The following PCDHA1 variants were observed in gnomAD, a reference collection of about 807,000 sequenced individuals.
The protein encoded by PCDHA1 is protocadherin alpha-1.
In PCDHA1, 42 loss-of-function variants were observed where a neutral mutation model predicts 61.3. The ratio of observed to expected loss-of-function variants is 0.69; its 90% CI spans 0.54 to 0.89. The LOEUF (loss-of-function observed/expected upper bound fraction) is 0.89. Among genes scored for constraint, PCDHA1 ranks in the 40% least tolerant of loss-of-function variants. PCDHA1 has a pLI of 0.00. For missense variants in PCDHA1, 1,256 were observed against 1,235.3 expected, an observed-to-expected ratio of 1.02 and a Z score of -0.25; for synonymous variants, 610 against 553.8, an observed-to-expected ratio of 1.10 and a Z score of -1.43.
intron 1 of PCDHA1, chr5:140,861,823 G>A (rs2047101556): frequency 1.3e-5 from 2 of 159,302 alleles, no homozygotes; most frequent in Non-Finnish European, 2.7e-5. Flanking sequence ...TTTCAGATAG[G>A]TAAGTCACTT....
chr5:140,831,798 C>T (rs1370257293), intron 1 of PCDHA1, among the ~76,000 whole-genome samples: 1 of 152,186 alleles, frequency 6.6e-6, no homozygotes, highest in African/African-American at 2.4e-5. Context: ...ATTTCAGTTT[C>T]TTCTGTAAAG....
At chr5:140,875,644 G>A in intron 1 of PCDHA1, 1 of 1,613,736 alleles carries the variant, frequency 6.2e-7, no homozygotes, top group Non-Finnish European at 8.5e-7. Flanking sequence ...GGAGCTGGCG[G>A]AGCTGGTGCC....
At chr5:140,842,730 C>T (rs1302356073) in intron 1 of PCDHA1, 1 of 1,594,964 alleles carries the variant, frequency 6.3e-7, no homozygotes, top group Non-Finnish European at 8.6e-7. Flanking sequence ...AACAACCCGC[C>T]GGGCTGCCAC....
chr5:140,841,746 T>G (rs1562391326), intron 1 of PCDHA1: 2 of 1,613,910 alleles, frequency 1.2e-6, no homozygotes, highest in Non-Finnish European at 1.7e-6. Flanking sequence ...AAGCTGTTTG[T>G]TTCAGAATCC....
intron 3 of PCDHA1, among the ~76,000 whole-genome samples, chr5:141,007,315 C>A (rs1207897662): frequency 1.3e-5 from 2 of 148,308 alleles, no homozygotes; most frequent in Admixed American, 1.4e-4. Flanking sequence ...TTTTGGGAGG[C>A]TAAAGTGGAC....
chr5:140,823,029 G>A lies in PCDHA1; in HGVS notation c.2394+34345G>A, dbSNP rs2150121512. 5.3e-5 allele frequency: 85 copies of A among 1,614,220 alleles called. No homozygotes were observed. In the Middle Eastern group the frequency reaches 8.3e-4, roughly 16 times the overall value. On this transcript the variant is annotated intron_variant, in intron 1 of 3. Coordinates refer to ENST00000504120, the MANE Select transcript of PCDHA1 (RefSeq NM_018900.4). ...GCGCCCTGGACCGCGAGAGCGTGTC[G>A]GTCTATGAGCTGGTGGTGACCGCGC...
At chr5:141,005,680 C>T (rs1389178600) in intron 3 of PCDHA1, among the ~76,000 whole-genome samples, 6 of 111,878 alleles carry the variant, frequency 5.4e-5, no homozygotes, top group East Asian at 2.8e-4. Flanking sequence ...CCAGCCTGGG[C>T]GACAGAGCGA....
At chr5:140,927,059 G>T (rs2153586396) in intron 1 of PCDHA1, 1 of 1,611,324 alleles carries the variant, frequency 6.2e-7, no homozygotes, top group Middle Eastern at 1.7e-4. Flanking sequence ...CGGAACTTTC[G>T]CTTCCTTTCC....
chr5:140,850,117 G>T, intron 1 of PCDHA1: 2 of 1,596,096 alleles, frequency 1.3e-6, no homozygotes, highest in Non-Finnish European at 1.7e-6. Flanking sequence ...CGCGACGCGG[G>T]CGTGCCGCCT....
intron 2 of PCDHA1, among the ~76,000 whole-genome samples, chr5:140,981,637 C>A (rs1229068909): frequency 6.6e-6 from 1 of 152,150 alleles, no homozygotes; most frequent in Non-Finnish European, 1.5e-5. Context: ...TGGACATTTT[C>A]TCTTAGGATC....
chr5:140,836,517 G>T (rs782570045), intron 1 of PCDHA1: 2 of 1,613,750 alleles, frequency 1.2e-6, no homozygotes, highest in African/African-American at 1.3e-5. Context: ...CAGTCTGTTG[G>T]TGCTTACCCT....
intron 1 of PCDHA1, chr5:140,808,083 C>T (rs1764094989): frequency 1.2e-6 from 2 of 1,613,832 alleles, no homozygotes; most frequent in African/African-American, 2.7e-5. Context: ...GATCCAATTA[C>T]TGGACAAATT....
At chr5:140,998,125 A>G (rs2097797565) in intron 3 of PCDHA1, among the ~76,000 whole-genome samples, 1 of 152,222 alleles carries the variant, frequency 6.6e-6, no homozygotes. Flanking sequence ...CTTGTGAATC[A>G]TAATAGCTAA....
intron 1 of PCDHA1, chr5:140,877,037 C>G: frequency 6.2e-7 from 1 of 1,612,492 alleles, no homozygotes; most frequent in Non-Finnish European, 8.5e-7. Flanking sequence ...GCGCTGCAGC[C>G]GCTAGACCAC....
intron 1 of PCDHA1, chr5:140,830,083 G>T (rs141570762): frequency 1.2e-5 from 19 of 1,613,578 alleles, no homozygotes; most frequent in Non-Finnish European, 1.4e-5. Flanking sequence ...CGACGGCCAC[G>T]GTTCTGGTGT....
In PCDHA1 at chr5:140,787,934, C is replaced by A. The variant is rs782794202; in HGVS notation, c.1644C>A (p.Asn548Lys). ...CGGGCGTGCCGCCTCTGGGCAGCAA[C>A]GTGACGCTGCAGGTGTTCGTGCTGG... ...RDAGVPPLGSNVTLQVFVLDE... is the reference protein window; with the variant it reads ...RDAGVPPLGSKVTLQVFVLDE... The change falls in exon 1 of 4, where the codon AAC becomes AAA. Residue 548 changes from asparagine (N) to lysine (K), a missense_variant. Transcript: ENST00000504120. 1 of 1,613,836 alleles carries A rather than the reference C, an allele frequency of 6.2e-7. No homozygotes were observed.
In PCDHA1 at chr5:140,787,608, A is replaced by G; in HGVS notation, c.1318A>G (p.Arg440Gly). 1 of 1,614,084 alleles carries G rather than the reference A, an allele frequency of 6.2e-7. No homozygotes were observed. The highest frequency in any genetic ancestry group is 1.1e-5 in the South Asian group (1 of 91,066). ...GGSPSLWATA[R>G]VSVEVADVND... ...CTCGCCTTCGCTGTGGGCCACGGCC[A>G]GGGTGTCCGTGGAGGTGGCCGACGT... is the stretch of plus-strand genomic sequence containing the variant. Residue 440 changes from arginine (R) to glycine (G), a missense_variant, in exon 1 of 4, where the codon AGG (arginine) becomes GGG (glycine). Arg to Gly is a moderately radical substitution (Grantham distance 125). Transcript: ENST00000504120.
intron 1 of PCDHA1, chr5:140,834,759 A>T: frequency 6.2e-7 from 1 of 1,614,152 alleles, no homozygotes; most frequent in Non-Finnish European, 8.5e-7. Context: ...GGTGAAGGAC[A>T]TTAACGACAA....
At chr5:140,802,186 T>C (rs782273094) in intron 1 of PCDHA1, 4 of 1,614,226 alleles carry the variant, frequency 2.5e-6, no homozygotes, top group East Asian at 2.2e-5. Context: ...AATCCCCCAA[T>C]GTCAGATCAC....
Sources: gnomAD v4.1 joint callset for allele counts (sites outside exome capture counted in the v4.1 genomes callset) on GRCh38, gnomAD v4.1.1 for gene constraint, MANE v1.5 for transcripts, NCBI Gene and HGNC (gene_info 2026-07-23, HGNC 2026-07-21) for gene names.